The following EPB41L2 variants were observed in gnomAD, a reference collection of about 807,000 sequenced individuals.
EPB41L2 encodes erythrocyte membrane protein band 4.1 like 2.
A neutral mutation model predicts 113.0 loss-of-function variants in EPB41L2; 43 were observed. That is an observed-to-expected ratio of 0.38 (90% confidence interval 0.30 to 0.49). The LOEUF (loss-of-function observed/expected upper bound fraction) is 0.49, where lower values mean the gene tolerates loss of function less well. Among genes scored for constraint, EPB41L2 ranks in the 20% least tolerant of loss-of-function variants. The pLI is 0.95. For missense variants in EPB41L2, 1,147 were observed against 1,223.4 expected, an observed-to-expected ratio of 0.94 and a Z score of 0.93; for synonymous variants, 442 against 436.7, an observed-to-expected ratio of 1.01 and a Z score of -0.15.
At chr6:130,933,457 C>G (rs565673546) in intron 3 of EPB41L2, among the ~76,000 whole-genome samples, 14 of 152,298 alleles carry the variant, frequency 9.2e-5, no homozygotes, top group Admixed American at 7.8e-4. Flanking sequence ...ACTTATACCA[C>G]TCACTAGCAA....
intron 4 of EPB41L2, 100 bp downstream of exon 4, chr6:130,926,505 C>A: frequency 1.2e-6 from 1 of 859,694 alleles, no homozygotes; most frequent in South Asian, 1.5e-5. Flanking sequence ...ATAATAAACA[C>A]CTAAGTTATT....
chr6:130,891,922 G>T, intron 10 of EPB41L2, among the ~76,000 whole-genome samples: 1 of 152,166 alleles, frequency 6.6e-6, no homozygotes, highest in Non-Finnish European at 1.5e-5. Flanking sequence ...CCACTGACCT[G>T]ATTCAAAGCA....
chr6:130,861,897 C>T (rs1213688595), intron 18 of EPB41L2, among the ~76,000 whole-genome samples: 1 of 138,376 alleles, frequency 7.2e-6, no homozygotes, highest in East Asian at 2.3e-4. Flanking sequence ...AAAGTTTATG[C>T]TATCTCACAA....
intron 1 of EPB41L2, among the ~76,000 whole-genome samples, chr6:130,957,828 A>G (rs375100807): frequency 1.4e-4 from 22 of 152,346 alleles, no homozygotes; most frequent in African/African-American, 4.8e-4. Flanking sequence ...GAGCATTTTC[A>G]TCACTCCAAA....
At chr6:130,990,981 C>T (rs971500493) in intron 1 of EPB41L2, among the ~76,000 whole-genome samples, 5 of 149,468 alleles carry the variant, frequency 3.3e-5, no homozygotes, top group Admixed American at 3.3e-4. Context: ...CGCATGCCAC[C>T]AAGCCTGGCT....
Position 131,035,253 on chromosome 6 carries a change from C to T in EPB41L2, c.-15+27902G>A, listed in dbSNP as rs1793061608. On this transcript the variant is annotated intron_variant, in intron 1 of 19. Coordinates refer to ENST00000337057, the MANE Select transcript of EPB41L2 (RefSeq NM_001431.4). ...GCAAAGCCAGCAATGACAATGGCAA[C>T]TGAGATGCTATCGCAAACTCTTACA... is the stretch of plus-strand genomic sequence containing the variant. Among the ~76,000 whole-genome samples the T allele has an allele frequency of 2.6e-5, 4 of 152,220 alleles. No homozygotes were observed. The South Asian group carries it at 8.3e-4, about 32-fold the overall frequency.
At chr6:130,937,222 C>T (rs535172607) in intron 3 of EPB41L2, among the ~76,000 whole-genome samples, 165 of 152,288 alleles carry the variant, frequency 1.1e-3, no homozygotes, top group African/African-American at 3.7e-3. Flanking sequence ...TACAATGACA[C>T]GTATCCACGA....
At position 131,034,271 on chromosome 6, in the gene EPB41L2, G is replaced by A. The variant is rs141895467; in HGVS notation, c.-15+28884C>T. On this transcript the variant is annotated intron_variant, in intron 1 of 19. Coordinates refer to ENST00000337057, the MANE Select transcript of EPB41L2 (RefSeq NM_001431.4). ...AGACCAATAAACATATTGGGGGTTG[G>A]GGGGGACAGTATAATATAATCCAAC... Among the ~76,000 whole-genome samples, 3 of 152,014 alleles carry A rather than the reference G, an allele frequency of 2.0e-5. No homozygotes were observed. In the East Asian group the frequency reaches 5.8e-4, roughly 29 times the overall value.
chr6:130,914,220 TC>T (rs1359040896), intron 4 of EPB41L2, among the ~76,000 whole-genome samples: 1 of 152,144 alleles, frequency 6.6e-6, no homozygotes, highest in Non-Finnish European at 1.5e-5. Context: ...ACAAGTACCT[TC>T]CCCAGCAGAT....
chr6:130,922,084 G>A (rs73774316), intron 4 of EPB41L2, among the ~76,000 whole-genome samples: 1,968 of 152,302 alleles, frequency 0.013, 38 homozygotes, highest in South Asian at 0.039. Context: ...ACGCACGCAC[G>A]TGTGTTTACG....
chr6:130,941,784 C>G (rs1810983580), intron 3 of EPB41L2, among the ~76,000 whole-genome samples: 1 of 152,124 alleles, frequency 6.6e-6, no homozygotes, highest in African/African-American at 2.4e-5. Flanking sequence ...AAATGAAGTA[C>G]ACTTATGAGA....
intron 19 of EPB41L2, among the ~76,000 whole-genome samples, chr6:130,849,257 T>C (rs896105258): frequency 6.6e-6 from 1 of 152,224 alleles, no homozygotes; most frequent in Non-Finnish European, 1.5e-5. Flanking sequence ...TTTTCTAAAA[T>C]TGCTGACTAT....
At chr6:130,924,959 TAACA>T (rs1804155643) in intron 4 of EPB41L2, among the ~76,000 whole-genome samples, 1 of 151,876 alleles carries the variant, frequency 6.6e-6, no homozygotes, top group Non-Finnish European at 1.5e-5. Context: ...GGAGAAAGAG[TAACA>T]AACAAGGTGT....
intron 14 of EPB41L2, among the ~76,000 whole-genome samples, chr6:130,873,548 C>T (rs966967757): frequency 2.0e-5 from 3 of 152,110 alleles, no homozygotes; most frequent in Non-Finnish European, 4.4e-5. Flanking sequence ...TCACTGCAAC[C>T]TCTACCTCCC....
intron 18 of EPB41L2, among the ~76,000 whole-genome samples, chr6:130,859,003 G>C (rs1440536610): frequency 6.6e-6 from 1 of 152,202 alleles, no homozygotes; most frequent in Non-Finnish European, 1.5e-5. Flanking sequence ...GAGCAGGGAG[G>C]ACCCAGAGGG....
intron 8 of EPB41L2, 122 bp from the exon 9 acceptor site, chr6:130,895,241 T>C (rs767011203): frequency 8.6e-7 from 1 of 1,164,166 alleles, no homozygotes; most frequent in East Asian, 2.4e-5. Context: ...TATTTAAAGT[T>C]TAGTGACAAG....
chr6:130,904,060 T>C (rs1006723419), intron 6 of EPB41L2, among the ~76,000 whole-genome samples: 3 of 152,218 alleles, frequency 2.0e-5, no homozygotes, highest in Non-Finnish European at 2.9e-5. Flanking sequence ...AATTGGACTT[T>C]TAAAATAATT....
intron 5 of EPB41L2, 30 bp from the exon 6 acceptor site, chr6:130,904,570 C>T (rs1797183502): frequency 1.3e-5 from 18 of 1,405,638 alleles, no homozygotes; most frequent in Non-Finnish European, 1.7e-5. Flanking sequence ...CAGTTATGCA[C>T]CCAATTAACA....
At chr6:130,983,384 G>C (rs946262194) in intron 1 of EPB41L2, among the ~76,000 whole-genome samples, 1 of 152,118 alleles carries the variant, frequency 6.6e-6, no homozygotes, top group South Asian at 2.1e-4. Context: ...TTTCATCCTT[G>C]TGCCAGCATC....
Sources: gnomAD v4.1 joint callset for allele counts (sites outside exome capture counted in the v4.1 genomes callset) on GRCh38, gnomAD v4.1.1 for gene constraint, MANE v1.5 for transcripts, NCBI Gene and HGNC (gene_info 2026-07-23, HGNC 2026-07-21) for gene names.